The following PIP5K1A variants were observed in gnomAD, a reference collection of about 807,000 sequenced individuals.
The protein encoded by PIP5K1A is phosphatidylinositol-4-phosphate 5-kinase type 1 alpha.
Under a neutral mutation model 72.9 loss-of-function variants are expected in PIP5K1A, and 46 were observed. The observed-to-expected ratio is 0.63, with a 90% CI of 0.50 to 0.81. The LOEUF (loss-of-function observed/expected upper bound fraction) is 0.81. Ranked by LOEUF, PIP5K1A falls within the 30% of genes least tolerant of loss-of-function variation. PIP5K1A has a pLI of 0.00. For missense variants in PIP5K1A, 458 were observed against 706.1 expected (o/e 0.65, Z 3.98); for synonymous variants, 228 against 255.1 (o/e 0.89, Z 1.01).
At chr1:151,237,399 G>GTAAT (rs1691043685) in intron 9 of PIP5K1A, among the ~76,000 whole-genome samples, 1 of 152,226 alleles carries the variant, frequency 6.6e-6, no homozygotes, top group African/African-American at 2.4e-5. Context: ...AGTGGCTCAT[G>GTAAT]CCAGTAATCC....
chr1:151,238,440 C>A, intron 10 of PIP5K1A, 175 bp downstream of exon 10: 1 of 583,730 alleles, frequency 1.7e-6, no homozygotes, highest in African/African-American at 1.9e-5. Flanking sequence ...TGCCTCTTTC[C>A]CCGGCCTTTA....
At chr1:151,208,337 T>A (rs892257906) in intron 1 of PIP5K1A, among the ~76,000 whole-genome samples, 19 of 150,338 alleles carry the variant, frequency 1.3e-4, no homozygotes, top group African/African-American at 4.6e-4. Flanking sequence ...AGCTTTTCTC[T>A]GAAATGTGGC....
chr1:151,232,798 C>G (rs1328808777), intron 7 of PIP5K1A, 95 bp downstream of exon 7: 2 of 1,137,654 alleles, frequency 1.8e-6, no homozygotes, highest in Non-Finnish European at 2.6e-6. Context: ...GTCAGCACTT[C>G]TATCTTAAGA....
chr1:151,246,697 A>C (rs1692558235), intron 14 of PIP5K1A, among the ~76,000 whole-genome samples: 1 of 152,172 alleles, frequency 6.6e-6, no homozygotes. Context: ...GAAACAGAAG[A>C]GGGCAGGGTA....
intron 7 of PIP5K1A, 24 bp downstream of exon 7, chr1:151,232,727 C>A (rs777184242): frequency 6.2e-7 from 1 of 1,603,550 alleles, no homozygotes; most frequent in South Asian, 1.1e-5. Flanking sequence ...AAGCACTGTC[C>A]ACCTGTGCTG....
At chr1:151,247,783 T>C in intron 15 of PIP5K1A, 80 bp from the exon 16 acceptor site, 7 of 1,223,506 alleles carry the variant, frequency 5.7e-6, no homozygotes, top group Non-Finnish European at 8.2e-6. Context: ...GAGGCTGAAA[T>C]AGAAATTTCT....
intron 4 of PIP5K1A, among the ~76,000 whole-genome samples, chr1:151,228,566 A>T (rs776056808): frequency 6.6e-6 from 1 of 152,128 alleles, no homozygotes; most frequent in Non-Finnish European, 1.5e-5. Context: ...AAAAAGTGGA[A>T]ATTGGGCTGG....
intron 12 of PIP5K1A, among the ~76,000 whole-genome samples, chr1:151,241,800 CAAAAA>C (rs201895156): frequency 3.3e-5 from 2 of 60,182 alleles, no homozygotes; most frequent in Non-Finnish European, 7.1e-5. Context: ...AACTCCATCT[CAAAAA>C]AAAAAAAAAA....
rs61545057 is a variant in PIP5K1A, at chr1:151,208,719, C to CTTTTTTTTTTTTTTTT, written c.85+9653_85+9668dup. Among the ~76,000 whole-genome samples the CTTTTTTTTTTTTTTTT allele has an allele frequency of 4.6e-5, 2 of 43,122 alleles. 1 individual carries two copies. Among genetic ancestry groups the CTTTTTTTTTTTTTTTT allele is most frequent in the Non-Finnish European group, 8.7e-5 (2 of 23,042 alleles). The allele number at this position is 43,122 out of a possible 152,430, so 28.3% of individuals were successfully genotyped here. A position where few individuals can be genotyped will look rare whatever the true frequency, so the allele number is the denominator to read the frequency against. On this transcript the variant is annotated intron_variant, in intron 1 of 15. Coordinates refer to ENST00000368888, the MANE Select transcript of PIP5K1A (RefSeq NM_001135638.2). ...TTATTAAGGATGTTGTAATGGTACG[C>CTTTTTTTTTTTTTTTT]TTTTTTTTTTTTTTTTTTTTTTTTT... is the stretch of plus-strand genomic sequence containing the variant.
intron 14 of PIP5K1A, among the ~76,000 whole-genome samples, chr1:151,244,354 A>C (rs898609077): frequency 6.6e-6 from 1 of 152,140 alleles, no homozygotes; most frequent in African/African-American, 2.4e-5. Flanking sequence ...TCTAGGAATG[A>C]TTTAAAGTAT....
intron 8 of PIP5K1A, among the ~76,000 whole-genome samples, chr1:151,236,165 C>CT (rs1001524358): frequency 6.7e-6 from 1 of 148,660 alleles, no homozygotes; most frequent in African/African-American, 2.5e-5. Flanking sequence ...CACTGTAAGG[C>CT]TAAATTAAAT....
chr1:151,203,062 G>A (rs966796327), intron 1 of PIP5K1A, among the ~76,000 whole-genome samples: 17 of 152,044 alleles, frequency 1.1e-4, no homozygotes, highest in Admixed American at 3.3e-4. Context: ...TTTAGCCGCC[G>A]CCGCTGGCCT....
At chr1:151,206,445 G>A (rs1250709395) in intron 1 of PIP5K1A, among the ~76,000 whole-genome samples, 1 of 152,160 alleles carries the variant, frequency 6.6e-6, no homozygotes, top group African/African-American at 2.4e-5. Context: ...TATTGGTTGG[G>A]GGTGGGCAAA....
upstream of PIP5K1A, among the ~76,000 whole-genome samples, chr1:151,196,168 A>T (rs1684550387): frequency 6.6e-6 from 1 of 152,040 alleles, no homozygotes; most frequent in East Asian, 1.9e-4. Context: ...AAGTGCTGGG[A>T]TTACAGGCGT....
At chr1:151,209,085 C>T (rs1344645016) in intron 1 of PIP5K1A, among the ~76,000 whole-genome samples, 1 of 150,006 alleles carries the variant, frequency 6.7e-6, no homozygotes, top group African/African-American at 2.5e-5. Flanking sequence ...AGCAGTACTT[C>T]TCAGGAGGCA....
chr1:151,236,119 CAAA>C (rs377141308), intron 8 of PIP5K1A, among the ~76,000 whole-genome samples: 6 of 64,764 alleles, frequency 9.3e-5, no homozygotes, highest in Non-Finnish European at 6.5e-5. Flanking sequence ...GACTCCGTCT[CAAA>C]AAAAAAAAAA....
intron 12 of PIP5K1A, among the ~76,000 whole-genome samples, chr1:151,241,485 C>T (rs1049979796): frequency 6.6e-6 from 1 of 151,902 alleles, no homozygotes; most frequent in East Asian, 1.9e-4. Context: ...GCCTGGGCGA[C>T]AGAGCAAGAC....
chr1:151,213,263 A>G (rs973847884), intron 1 of PIP5K1A, among the ~76,000 whole-genome samples: 7 of 152,106 alleles, frequency 4.6e-5, no homozygotes, highest in Admixed American at 3.3e-4. Flanking sequence ...CCTTATAGGC[A>G]GTGTGTCCAG....
Position 151,235,373 on chromosome 1 carries a change from G to A in PIP5K1A, c.939+877G>A, listed in dbSNP as rs1012643639. 1.3e-4 allele frequency among the ~76,000 whole-genome samples: 20 copies of A among 152,218 alleles called. 1 individual carries two copies. The South Asian group carries it at 3.7e-3, about 28-fold the overall frequency. On this transcript the variant is annotated intron_variant, in intron 8 of 15. Coordinates refer to ENST00000368888, the MANE Select transcript of PIP5K1A (RefSeq NM_001135638.2). The stretch of plus-strand genomic sequence containing the variant: ...GCTAGGATTACAGGTGTGAGCCACC[G>A]CACCCGGCCTAGATATCACTCTTGA...
Sources: allele counts gnomAD v4.1 joint callset (sites outside exome capture counted in the v4.1 genomes callset), GRCh38; gene constraint gnomAD v4.1.1; transcripts MANE v1.5; gene names NCBI Gene and HGNC (gene_info 2026-07-23, HGNC 2026-07-21).